The following DUSP29 variants were observed in gnomAD, a reference collection of about 807,000 sequenced individuals.
DUSP29 encodes the protein dual specificity phosphatase 29, also known as atypical dual-specific protein phosphatase.
A neutral mutation model predicts 13.5 loss-of-function variants in DUSP29; 12 were observed. That is an observed-to-expected ratio of 0.89 (90% CI 0.57 to 1.44). The LOEUF is 1.44. Among genes scored for constraint, DUSP29 ranks in the 40% most tolerant of loss-of-function variants. The probability of loss-of-function intolerance (pLI) is 0.00; values close to 1 mark genes in which losing one functional copy is unlikely to be tolerated. For missense variants in DUSP29, 308 were observed against 301.1 expected, an observed-to-expected ratio of 1.02 and a Z score of -0.17; for synonymous variants, 134 against 128.7, an observed-to-expected ratio of 1.04 and a Z score of -0.28.
intron 2 of DUSP29, among the ~76,000 whole-genome samples, chr10:75,052,744 G>A (rs1376470395): frequency 1.3e-5 from 2 of 152,186 alleles, no homozygotes; most frequent in African/African-American, 2.4e-5. Flanking sequence ...GAGCCACCAC[G>A]CCTGGCCAAC....
rs1165808732 is a variant in DUSP29, at chr10:75,063,515, G to T, written c.-34-4967C>A. On this transcript the variant is annotated intron_variant, in intron 1 of 3. Coordinates refer to ENST00000338487, the MANE Select transcript of DUSP29 (RefSeq NM_001003892.3). ...TGTCACCAATTAGAGGCAGGAGTTG[G>T]TGGATAAACATCCCCACTTCCTCAA... Among the ~76,000 whole-genome samples, 3 of 152,024 alleles carry T rather than the reference G, an allele frequency of 2.0e-5. No individual in the cohort carries two copies. In the East Asian group the frequency reaches 5.8e-4, roughly 29 times the overall value.
At chr10:75,055,409 G>T (rs771174126) in intron 2 of DUSP29, among the ~76,000 whole-genome samples, 7 of 152,036 alleles carry the variant, frequency 4.6e-5, no homozygotes, top group Non-Finnish European at 7.4e-5. Context: ...ACAGAGATTG[G>T]CAATAAAAAG....
At chr10:75,043,654 G>C (rs1399902151) in intron 3 of DUSP29, 143 bp downstream of exon 3, 6 of 831,206 alleles carry the variant, frequency 7.2e-6, no homozygotes, top group African/African-American at 3.5e-5. Context: ...GCCTCAGACG[G>C]GGAAACCTTG....
chr10:75,063,855 A>T (rs1318261363), intron 1 of DUSP29, among the ~76,000 whole-genome samples: 3 of 152,218 alleles, frequency 2.0e-5, no homozygotes, highest in Non-Finnish European at 4.4e-5. Context: ...CCACAAATAC[A>T]ATTATTATTT....
chr10:75,038,896 A>G (rs1025935337), intron 3 of DUSP29, among the ~76,000 whole-genome samples: 3 of 152,184 alleles, frequency 2.0e-5, no homozygotes, highest in Admixed American at 2.0e-4. Context: ...AGGTGGGCGG[A>G]TCACTTGAGG....
intron 1 of DUSP29, among the ~76,000 whole-genome samples, chr10:75,059,979 C>A (rs1299098264): frequency 1.3e-5 from 2 of 151,708 alleles, no homozygotes; most frequent in Non-Finnish European, 2.9e-5. Flanking sequence ...CCTAACATGG[C>A]GAAACCCCAT....
Position 75,058,440 on chromosome 10 carries a change from C to T in DUSP29, c.75G>A (p.Glu25=), listed in dbSNP as rs762943670. ...SSAKRLSPKM[E]EEGEEEDYCT... ...AGTAGTCCTCCTCCTCCCCTTCCTC[C>T]TCCATCTTCGGCGACAGCCTCTTGG... The change falls in exon 2 of 4, where the codon GAG becomes GAA. Residue 25 remains glutamate, a synonymous_variant. Transcript: ENST00000338487. The T allele has an allele frequency of 3.1e-6, 5 of 1,614,164 alleles. No homozygotes were observed. The highest frequency in any genetic ancestry group is 1.3e-5 in the African/African-American group (1 of 74,954).
At chr10:75,064,832 A>G (rs1283219715) in intron 1 of DUSP29, among the ~76,000 whole-genome samples, 1 of 152,140 alleles carries the variant, frequency 6.6e-6, no homozygotes, top group Non-Finnish European at 1.5e-5. Flanking sequence ...TTAACTAGGA[A>G]AAAAATACAT....
intron 1 of DUSP29, among the ~76,000 whole-genome samples, chr10:75,066,190 C>CTG (rs1554850644): frequency 6.6e-6 from 1 of 152,190 alleles, no homozygotes; most frequent in Admixed American, 6.5e-5. Context: ...TGCGGCAGGA[C>CTG]TGAGGAAAGG....
At chr10:75,062,399 G>A (rs754346813) in intron 1 of DUSP29, among the ~76,000 whole-genome samples, 67 of 152,200 alleles carry the variant, frequency 4.4e-4, no homozygotes, top group Non-Finnish European at 8.1e-4. Flanking sequence ...CACTGAAGCT[G>A]ACCTCACCCT....
intron 1 of DUSP29, among the ~76,000 whole-genome samples, chr10:75,062,725 C>G (rs1847117863): frequency 1.3e-5 from 2 of 152,148 alleles, no homozygotes; most frequent in African/African-American, 4.8e-5. Flanking sequence ...GCATCTGTTT[C>G]CCAGATCACA....
intron 2 of DUSP29, among the ~76,000 whole-genome samples, chr10:75,057,337 A>G (rs944578253): frequency 6.6e-6 from 1 of 152,170 alleles, no homozygotes; most frequent in African/African-American, 2.4e-5. Context: ...GTCCTACAGC[A>G]TCTGCATCTG....
At chr10:75,049,512 T>C (rs1846778146) in intron 2 of DUSP29, among the ~76,000 whole-genome samples, 1 of 152,240 alleles carries the variant, frequency 6.6e-6, no homozygotes, top group Admixed American at 6.5e-5. Flanking sequence ...CTCAGGCTTC[T>C]CTCCCCGACC....
At chr10:75,061,514 C>T (rs537942082) in intron 1 of DUSP29, among the ~76,000 whole-genome samples, 36 of 152,292 alleles carry the variant, frequency 2.4e-4, no homozygotes, top group South Asian at 6.2e-4. Context: ...CGGGCTGCAC[C>T]CTCGTAGGGG....
At chr10:75,051,601 G>C (rs908177414) in intron 2 of DUSP29, among the ~76,000 whole-genome samples, 2 of 152,200 alleles carry the variant, frequency 1.3e-5, no homozygotes, top group Non-Finnish European at 2.9e-5. Flanking sequence ...AGTAGCTTTG[G>C]CCATCCCAGG....
At chr10:75,038,114 G>A in intron 3 of DUSP29, 37 bp from the exon 4 acceptor site, 1 of 1,592,810 alleles carries the variant, frequency 6.3e-7, no homozygotes, top group Non-Finnish European at 8.6e-7. Context: ...CCCACACTGA[G>A]GGGCAGGTGT....
At chr10:75,073,125 T>C (rs1440936229) in intron 1 of DUSP29, among the ~76,000 whole-genome samples, 1 of 152,084 alleles carries the variant, frequency 6.6e-6, no homozygotes, top group Non-Finnish European at 1.5e-5. Flanking sequence ...AGAATTCTCA[T>C]CCCTGGAGCT....
intron 1 of DUSP29, among the ~76,000 whole-genome samples, chr10:75,066,611 G>A (rs912120430): frequency 6.6e-6 from 1 of 152,062 alleles, no homozygotes; most frequent in Non-Finnish European, 1.5e-5. Context: ...TTTTACTTGA[G>A]CATATGGAGG....
intron 1 of DUSP29, among the ~76,000 whole-genome samples, chr10:75,065,218 T>C (rs758996211): frequency 6.6e-6 from 1 of 152,136 alleles, no homozygotes; most frequent in Non-Finnish European, 1.5e-5. Context: ...CTTGCTAAGG[T>C]GGCAGATGGG....
Sources: gnomAD v4.1 joint callset for allele counts (sites outside exome capture counted in the v4.1 genomes callset) on GRCh38, gnomAD v4.1.1 for gene constraint, MANE v1.5 for transcripts, NCBI Gene and HGNC (gene_info 2026-07-23, HGNC 2026-07-21) for gene names.